Variants in NF1 observed in about 807,000 individuals in gnomAD.
NF1 encodes the protein neurofibromin 1.
Under a neutral mutation model 325.7 loss-of-function variants are expected in NF1, and 122 were observed. The observed-to-expected ratio is 0.37, with a 90% confidence interval of 0.32 to 0.44. The LOEUF is 0.44. Among genes scored for constraint, NF1 ranks in the 20% least tolerant of loss-of-function variants. The probability of loss-of-function intolerance (pLI) is 1.00; values close to 1 mark genes in which losing one functional copy is unlikely to be tolerated. For missense variants in NF1, 2,140 were observed against 3,415.4 expected (o/e 0.63, Z 9.31); for synonymous variants, 1,091 against 1,186.0 (o/e 0.92, Z 1.65).
intron 35 of NF1, among the ~76,000 whole-genome samples, chr17:31,264,120 C>G (rs151304390): frequency 2.6e-5 from 4 of 152,062 alleles, no homozygotes; most frequent in Non-Finnish European, 5.9e-5. Context: ...AAATTTAGGC[C>G]GAGTGCGGTG....
intron 36 of NF1, among the ~76,000 whole-genome samples, chr17:31,270,360 G>C (rs1158767881): frequency 6.6e-6 from 1 of 152,192 alleles, no homozygotes; most frequent in Non-Finnish European, 1.5e-5. Flanking sequence ...TGTAATCCCA[G>C]CACTTTGGGA....
rs369630110 is a variant in NF1, at chr17:31,295,480, C to G, written c.4835+30141C>G. ...TCAGAGAGTTAATGGTGTCCACTGT[C>G]TGCATCCCACTTACAGTGAATAAGC... On this transcript the variant is annotated intron_variant, in intron 36 of 57. Coordinates refer to ENST00000358273, the MANE Select transcript of NF1 (RefSeq NM_001042492.3). 18 of 1,614,030 alleles carry G rather than the reference C, an allele frequency of 1.1e-5. No individual in the cohort carries two copies. The African/African-American group carries it at 2.3e-4, about 20-fold the overall frequency.
chr17:31,229,764 T>C (rs1198399732), intron 21 of NF1, 71 bp from the exon 22 acceptor site: 5 of 1,584,422 alleles, frequency 3.2e-6, no homozygotes, highest in Non-Finnish European at 3.5e-6. Context: ...GATCAGTCAG[T>C]TTCATCTCTC....
intron 36 of NF1, among the ~76,000 whole-genome samples, chr17:31,317,146 C>T (rs938291389): frequency 7.2e-5 from 11 of 151,874 alleles, no homozygotes; most frequent in Admixed American, 6.6e-5. Context: ...CTATATTGCC[C>T]GAAATAAATG....
chr17:31,236,308 A>G (rs1055127747), intron 29 of NF1, among the ~76,000 whole-genome samples: 11 of 151,908 alleles, frequency 7.2e-5, no homozygotes, highest in Admixed American at 7.2e-4. Context: ...TCCTTTTTCC[A>G]TGCATTTACA....
chr17:31,283,681 C>G (rs2068168944), intron 36 of NF1, among the ~76,000 whole-genome samples: 1 of 151,924 alleles, frequency 6.6e-6, no homozygotes, highest in Non-Finnish European at 1.5e-5. Flanking sequence ...TTTGTAGAGA[C>G]AGGGTTTGTC....
intron 4 of NF1, among the ~76,000 whole-genome samples, chr17:31,167,487 ATGAT>A (rs1191187842): frequency 6.6e-6 from 1 of 152,234 alleles, no homozygotes; most frequent in Non-Finnish European, 1.5e-5. Flanking sequence ...ATTGCACTAA[ATGAT>A]TGAAATTCAA....
intron 1 of NF1, among the ~76,000 whole-genome samples, chr17:31,152,944 G>A (rs1199376583): frequency 6.6e-6 from 1 of 151,848 alleles, no homozygotes; most frequent in Non-Finnish European, 1.5e-5. Context: ...TGAATTGGTA[G>A]GAGGGATTTG....
At chr17:31,181,109 A>G (rs1417241703) in intron 5 of NF1, among the ~76,000 whole-genome samples, 1 of 152,230 alleles carries the variant, frequency 6.6e-6, no homozygotes, top group African/African-American at 2.4e-5. Context: ...ACACAAATGG[A>G]AAACAATTCC....
chr17:31,263,860 AAAATT>A (rs2067737679), intron 35 of NF1, among the ~76,000 whole-genome samples: 1 of 152,160 alleles, frequency 6.6e-6, no homozygotes, highest in African/African-American at 2.4e-5. Context: ...GAAAGTTAAA[AAAATT>A]AAAAATTGTT....
chr17:31,198,491 G>C (rs2066471644), intron 8 of NF1, among the ~76,000 whole-genome samples: 1 of 152,126 alleles, frequency 6.6e-6, no homozygotes, highest in Non-Finnish European at 1.5e-5. Context: ...GGTAGACTGT[G>C]TGTTTGTAGA....
At chr17:31,267,192 A>G (rs1168904376) in intron 36 of NF1, among the ~76,000 whole-genome samples, 1 of 151,980 alleles carries the variant, frequency 6.6e-6, no homozygotes, top group African/African-American at 2.4e-5. Flanking sequence ...CGGCCTCCCA[A>G]AGTGCTGGGA....
At chr17:31,115,620 C>T (rs372430738) in intron 1 of NF1, among the ~76,000 whole-genome samples, 3 of 152,316 alleles carry the variant, frequency 2.0e-5, no homozygotes, top group Admixed American at 6.5e-5. Flanking sequence ...TTCTGTTAGA[C>T]CAGCTGCTTC....
rs144821394 is a variant in NF1 at position 31,162,469 on chromosome 17, A to G, written c.289-717A>G. ...AGAATAGTGAAACTAAGGAAACATC[A>G]TGTTGTAATCGGTGAACTTTTTTGG... On this transcript the variant is annotated intron_variant, in intron 3 of 57. Transcript: ENST00000358273. 2.6e-5 allele frequency among the ~76,000 whole-genome samples: 4 copies of G among 152,322 alleles called. 1 individual carries two copies. The highest frequency in any genetic ancestry group is 9.6e-5 in the African/African-American group (4 of 41,576).
chr17:31,162,675 T>C (rs1320209295), intron 3 of NF1, among the ~76,000 whole-genome samples: 1 of 152,230 alleles, frequency 6.6e-6, no homozygotes, highest in Non-Finnish European at 1.5e-5. Flanking sequence ...GGTGAAGTAT[T>C]CTATTTATAA....
Position 31,326,006 on chromosome 17 carries a change from C to T in NF1, c.5022C>T (p.Val1674=), listed in dbSNP as rs1597829853. 6.2e-7 allele frequency: 1 copy of T among 1,614,196 alleles called. No individual in the cohort carries two copies. The highest frequency in any genetic ancestry group is 1.6e-4 in the Middle Eastern group (1 of 6,062). ...TTCCTGGCTTTGCTTACGACAACGT[C>T]TCCGCAGTCTATATCTATAACTGTA... ...VVFPGFAYDN[V]SAVYIYNCNS... Residue 1674 remains valine, a synonymous_variant, in exon 37 of 58, where the codon GTC becomes GTT. Transcript: ENST00000358273.
chr17:31,337,799 C>T lies in NF1; in HGVS notation c.6643-20C>T, dbSNP rs2151557276. On this transcript the variant is annotated intron_variant, in intron 43 of 57. Coordinates refer to ENST00000358273, the MANE Select transcript of NF1 (RefSeq NM_001042492.3). Reference sequence around the variant, plus strand: ...AAAACATTTATGTACAATATGTATTCAGAGTATCCCCTTTTTTAGGCATGC... The same window carrying T: ...AAAACATTTATGTACAATATGTATTTAGAGTATCCCCTTTTTTAGGCATGC... 6.2e-7 allele frequency: 1 copy of T among 1,611,348 alleles called. No individual in the cohort carries two copies. Among genetic ancestry groups the T allele is most frequent in the South Asian group, 1.1e-5 (1 of 90,998 alleles).
chr17:31,170,051 A>G, intron 5 of NF1, 54 bp downstream of exon 5: 1 of 1,078,748 alleles, frequency 9.3e-7, no homozygotes, highest in South Asian at 1.3e-5. Flanking sequence ...AAAAACTAGT[A>G]TCATGAATGT....
rs1057523234 is a variant in NF1 at position 31,214,431 on chromosome 17, T to C, written c.1393-20T>C. ...ATCCTGAGTCTTATGTCTGATACCA[T>C]GTTTTTGTTTTGTTTTTAGAGTCTT... On this transcript the variant is annotated intron_variant, in intron 12 of 57. Coordinates refer to ENST00000358273, the MANE Select transcript of NF1 (RefSeq NM_001042492.3). The C allele has an allele frequency of 6.4e-7, 1 of 1,567,994 alleles. No individual in the cohort carries two copies. The highest frequency in any genetic ancestry group is 1.7e-5 in the Admixed American group (1 of 59,386).
Sources: gnomAD v4.1 joint callset for allele counts (sites outside exome capture counted in the v4.1 genomes callset) on GRCh38, gnomAD v4.1.1 for gene constraint, MANE v1.5 for transcripts, NCBI Gene and HGNC (gene_info 2026-07-23, HGNC 2026-07-21) for gene names.